The following OPHN1 variants were observed in gnomAD, a reference collection of about 807,000 sequenced individuals.
The protein encoded by OPHN1 is oligophrenin-1.
In OPHN1, 11 loss-of-function variants were observed where a neutral mutation model predicts 60.7. That is an observed-to-expected ratio of 0.18 (90% CI 0.11 to 0.30). OPHN1 has a LOEUF of 0.30. Among genes scored for constraint, OPHN1 ranks in the 10% least tolerant of loss-of-function variants. The probability of loss-of-function intolerance (pLI) is 1.00; values close to 1 mark genes in which losing one functional copy is unlikely to be tolerated. For synonymous variants in OPHN1, 226 were observed against 222.6 expected, an observed-to-expected ratio of 1.02 and a Z score of -0.14; for missense variants, 449 against 611.0, an observed-to-expected ratio of 0.73 and a Z score of 2.80.
At chrX:68,348,323 GT>G (rs35348789) in intron 2 of OPHN1, among the ~76,000 whole-genome samples, 36,904 of 109,971 alleles carry the variant, frequency 0.34, 8,081 homozygotes, top group African/African-American at 0.81. Flanking sequence ...ATCTAATTAG[GT>G]TTTTGAGGAG....
chrX:68,203,001 G>C (rs758091027), intron 10 of OPHN1, among the ~76,000 whole-genome samples: 1 of 110,589 alleles, frequency 9.0e-6, no homozygotes, highest in Non-Finnish European at 1.9e-5. Context: ...GGTCATGCCT[G>C]TAATCCCAGC....
chrX:68,119,321 G>A lies in OPHN1; in HGVS notation c.1288C>T (p.Pro430Ser), dbSNP rs1314620558. 2.6e-5 allele frequency: 31 copies of A among 1,186,630 alleles called. No individual in the cohort carries two copies. The highest frequency in any genetic ancestry group is 3.4e-5 in the Non-Finnish European group (30 of 873,331). The change falls in exon 16 of 25, where the codon CCA (proline) becomes TCA (serine). Residue 430 changes from proline to serine, a missense_variant. This residue lies in a region of OPHN1 where 166 missense variants were observed against 278.4 expected (regional missense o/e 0.60). Coordinates refer to ENST00000355520, the MANE Select transcript of OPHN1 (RefSeq NM_002547.3). ...LLNAFFDPKC[P>S]GDVDFHNSDW... ...CTATTATGAAAATCAACATCTCCTG[G>A]GCATTTAGGATCTATTTGAGAAAAG... is the stretch of plus-strand genomic sequence containing the variant.
rs377648140 is a variant in OPHN1 at position 68,052,939 on chromosome X, T to C, written c.2325-349A>G. On this transcript the variant is annotated intron_variant, in intron 22 of 24. Coordinates refer to ENST00000355520, the MANE Select transcript of OPHN1 (RefSeq NM_002547.3). ...ATTAGTCAAAGCTGTGGAGGCTTTG[T>C]TCTTCTTTTTCTCCAATTTTACAAT... Among the ~76,000 whole-genome samples the C allele has an allele frequency of 5.3e-5, 6 of 112,629 alleles. No homozygotes were observed. The South Asian group carries it at 2.2e-3, about 41-fold the overall frequency.
At chrX:68,117,642 G>T (rs1194039965) in intron 16 of OPHN1, among the ~76,000 whole-genome samples, 5 of 112,007 alleles carry the variant, frequency 4.5e-5, no homozygotes, top group Non-Finnish European at 9.4e-5. Context: ...AGGGGAGAGA[G>T]AAGGGATGAT....
At chrX:68,180,180 T>C (rs1254238349) in intron 15 of OPHN1, among the ~76,000 whole-genome samples, 2 of 111,700 alleles carry the variant, frequency 1.8e-5, no homozygotes, top group Non-Finnish European at 3.8e-5. Context: ...CATGGATAAT[T>C]CTTTCTTCAT....
At chrX:68,073,498 C>A (rs2076942832) in intron 19 of OPHN1, among the ~76,000 whole-genome samples, 199 bp from the exon 20 acceptor site, 1 of 111,926 alleles carries the variant, frequency 8.9e-6, no homozygotes, top group Admixed American at 9.5e-5. Context: ...ATGCTCAAGG[C>A]ACAGAACCTG....
intron 15 of OPHN1, among the ~76,000 whole-genome samples, chrX:68,163,898 T>TA (rs1413519054): frequency 1.4e-4 from 16 of 111,037 alleles, no homozygotes; most frequent in East Asian, 2.8e-4. Context: ...GATGCTGAGG[T>TA]AAAAAAAATC....
In OPHN1 at chrX:68,207,761, G is replaced by T. The variant is rs1163658174; in HGVS notation, c.833-1088C>A. Among the ~76,000 whole-genome samples the T allele has an allele frequency of 6.3e-5, 7 of 111,322 alleles. No homozygotes were observed. In the South Asian group the frequency reaches 2.7e-3, roughly 42 times the overall value. On this transcript the variant is annotated intron_variant, in intron 9 of 24. Coordinates refer to ENST00000355520, the MANE Select transcript of OPHN1 (RefSeq NM_002547.3). Reference sequence around the variant, plus strand: ...CTCACCTCTATGTTCCTGTCTCAATGAATTACTTTTAGTTCCCACATAAAG... The same window carrying T: ...CTCACCTCTATGTTCCTGTCTCAATTAATTACTTTTAGTTCCCACATAAAG...
At position 68,317,394 on chromosome X, in the gene OPHN1, A is replaced by AGGAAGGAG. The variant is rs1569278187; in HGVS notation, c.155-18299_155-18298insCTCCTTCC. Among the ~76,000 whole-genome samples the AGGAAGGAG allele has an allele frequency of 7.5e-4, 68 of 91,178 alleles. 1 individual carries two copies. Among genetic ancestry groups the AGGAAGGAG allele is most frequent in the African/African-American group, 2.8e-3 (65 of 23,432 alleles). The allele number at this position is 91,178 out of a possible 115,157, so 79.2% of individuals were successfully genotyped here. A position where few individuals can be genotyped will look rare whatever the true frequency, so the allele number is the denominator to read the frequency against. On this transcript the variant is annotated intron_variant, in intron 2 of 24. Transcript: ENST00000355520. ...AAGAAAGAAAGGAAGGAAGGAAGGA[A>AGGAAGGAG]GGAAGGAAGGAAGGAAGGAAGGAAG... is the stretch of plus-strand genomic sequence containing the variant.
At chrX:68,347,134 T>C (rs1282582329) in intron 2 of OPHN1, among the ~76,000 whole-genome samples, 3 of 111,378 alleles carry the variant, frequency 2.7e-5, no homozygotes, top group Non-Finnish European at 3.8e-5. Flanking sequence ...ATTGGAGGCC[T>C]GAGGCTCCTG....
chrX:68,375,517 T>C (rs937476283), intron 2 of OPHN1, among the ~76,000 whole-genome samples: 21 of 111,481 alleles, frequency 1.9e-4, no homozygotes, highest in Non-Finnish European at 2.4e-4. Flanking sequence ...GCCTCTATTT[T>C]ACTTAGATGA....
chrX:68,205,834 A>C (rs933231283), intron 10 of OPHN1, among the ~76,000 whole-genome samples: 8 of 112,074 alleles, frequency 7.1e-5, no homozygotes, highest in Non-Finnish European at 1.3e-4. Context: ...ATGCTTAAAA[A>C]TCATGCACTA....
intron 2 of OPHN1, among the ~76,000 whole-genome samples, chrX:68,394,130 C>T (rs1277316955): frequency 1.9e-5 from 2 of 107,863 alleles, no homozygotes; most frequent in Non-Finnish European, 3.9e-5. Context: ...CTCCTGACCT[C>T]GTGATCCGCC....
chrX:68,247,556 T>A (rs2077812481), intron 5 of OPHN1, among the ~76,000 whole-genome samples: 1 of 110,995 alleles, frequency 9.0e-6, no homozygotes, highest in East Asian at 2.8e-4. Flanking sequence ...TTCCTTTCAG[T>A]TGTAAAAAGA....
intron 5 of OPHN1, among the ~76,000 whole-genome samples, chrX:68,239,751 T>C (rs932323256): frequency 9.0e-6 from 1 of 111,328 alleles, no homozygotes; most frequent in Admixed American, 9.6e-5. Context: ...GTTTTTCAAA[T>C]AGTAACCAAT....
At chrX:68,148,176 T>C (rs368525783) in intron 15 of OPHN1, among the ~76,000 whole-genome samples, 3 of 110,577 alleles carry the variant, frequency 2.7e-5, no homozygotes, top group East Asian at 5.7e-4. Context: ...GGCAATGAGA[T>C]TTGGAAAAGT....
At chrX:68,286,993 T>TGAGAGAGAGAGAAA (rs754395796) in intron 3 of OPHN1, among the ~76,000 whole-genome samples, 1 of 97,517 alleles carries the variant, frequency 1.0e-5, no homozygotes, top group African/African-American at 4.0e-5. Flanking sequence ...ACAGCCTGGA[T>TGAGAGAGAGAGAAA]GAGAGAGAGA....
rs375650816 is a variant in OPHN1 at position 68,274,763 on chromosome X, C to T, written c.359G>A (p.Arg120Gln). The T allele has an allele frequency of 1.3e-5, 16 of 1,203,183 alleles. No individual in the cohort carries two copies. Among genetic ancestry groups the T allele is most frequent in the Non-Finnish European group, 1.8e-5 (16 of 889,971 alleles). The change falls in exon 5 of 25, where the codon CGG becomes CAG. Residue 120 changes from arginine to glutamine, a missense_variant. Physicochemically the swap from Arg to Gln is conservative, Grantham distance 43 (BLOSUM62 1). Coordinates refer to ENST00000355520, the MANE Select transcript of OPHN1 (RefSeq NM_002547.3). ...CTTGGTGAAGCCTATTTGTTCCTTCCGGAAATTTTCCAAGGGTTTAATCAG... is the reference window on the plus strand; with the variant it reads ...CTTGGTGAAGCCTATTTGTTCCTTCTGGAAATTTTCCAAGGGTTTAATCAG... ...DLLIKPLENF[R>Q]KEQIGFTKER...
rs767069790 is a variant in OPHN1, at chrX:68,061,027, C to G, written c.2158+2827G>C. ...GTGAATAGATAGTGTAGGTTAGGTT[C>G]AAAGAGGCAACTATACCAGAGGTTT... On this transcript the variant is annotated intron_variant, in intron 21 of 24. Transcript: ENST00000355520. 2.7e-5 allele frequency among the ~76,000 whole-genome samples: 3 copies of G among 111,517 alleles called. No individual in the cohort carries two copies. The South Asian group carries it at 1.1e-3, about 43-fold the overall frequency.
Sources: gnomAD v4.1 joint callset for allele counts (sites outside exome capture counted in the v4.1 genomes callset) on GRCh38, gnomAD v4.1.1 for gene constraint, gnomAD v4.1.1 regional missense constraint, MANE v1.5 for transcripts, NCBI Gene and HGNC (gene_info 2026-07-23, HGNC 2026-07-21) for gene names.